The following GHR variants were observed in gnomAD, a reference collection of about 807,000 sequenced individuals.
The protein encoded by GHR is growth hormone receptor.
A neutral mutation model predicts 67.1 loss-of-function variants in GHR; 35 were observed. The ratio of observed to expected loss-of-function variants is 0.52; its 90% CI spans 0.40 to 0.69. The LOEUF (loss-of-function observed/expected upper bound fraction) is 0.69, where lower values mean the gene tolerates loss of function less well. Among genes scored for constraint, GHR ranks in the 30% least tolerant of loss-of-function variants. GHR has a pLI of 0.00. For synonymous variants in GHR, 272 were observed against 269.1 expected (o/e 1.01, Z -0.10); for missense variants, 792 against 764.6 (o/e 1.04, Z -0.42).
At chr5:42,550,132 T>C (rs953353522) in intron 1 of GHR, 18 of 936,818 alleles carry the variant, frequency 1.9e-5, no homozygotes, top group Non-Finnish European at 2.3e-5. Flanking sequence ...TGTGTCTTCT[T>C]GCTACTTGAA....
rs2111861809 is a variant in GHR, at chr5:42,718,123, TA to T, written c.945+4del. ...GGAATCGATCCAGATCTCCTCAAGG[TA>T]ACTAATAATTTTATCTAAATTGTAG... is the stretch of plus-strand genomic sequence containing the variant. On this transcript the variant is annotated splice_donor_region_variant and intron_variant, in intron 9 of 9. Transcript: ENST00000230882. 7.0e-7 allele frequency: 1 copy of T among 1,424,426 alleles called. No individual in the cohort carries two copies. The highest frequency in any genetic ancestry group is 9.9e-7 in the Non-Finnish European group (1 of 1,007,140). 88.2% of individuals were successfully genotyped at this position (1,424,426 alleles called of 1,614,324 possible). A position where few individuals can be genotyped will look rare whatever the true frequency, so the allele number is the denominator to read the frequency against.
intron 3 of GHR, among the ~76,000 whole-genome samples, chr5:42,670,880 A>AAAATAT: frequency 8.5e-6 from 1 of 118,192 alleles, no homozygotes; most frequent in African/African-American, 3.3e-5. Flanking sequence ...AAAAAAAAAA[A>AAAATAT]ATATATATAT....
chr5:42,689,983 T>G (rs780789587), intron 4 of GHR, among the ~76,000 whole-genome samples: 5 of 152,340 alleles, frequency 3.3e-5, no homozygotes, highest in Middle Eastern at 6.8e-3. Context: ...AAGTTGTTTA[T>G]TTCTTCCCCT....
chr5:42,554,663 A>G (rs1226639514), intron 1 of GHR, among the ~76,000 whole-genome samples: 1 of 152,138 alleles, frequency 6.6e-6, no homozygotes, highest in Admixed American at 6.6e-5. Context: ...AGCCACATGT[A>G]GCTATTAAAC....
chr5:42,479,072 T>G (rs529904823), intron 1 of GHR, among the ~76,000 whole-genome samples: 2 of 152,344 alleles, frequency 1.3e-5, no homozygotes, highest in Non-Finnish European at 2.9e-5. Flanking sequence ...ATTACCTAAT[T>G]TACTGAGAGT....
intron 3 of GHR, among the ~76,000 whole-genome samples, chr5:42,688,372 G>A (rs1032174944): frequency 6.6e-6 from 1 of 152,212 alleles, no homozygotes; most frequent in Non-Finnish European, 1.5e-5. Context: ...CAACCAGTGA[G>A]TACTGGGAGC....
intron 1 of GHR, among the ~76,000 whole-genome samples, chr5:42,464,546 C>A (rs1439757513): frequency 1.3e-5 from 2 of 151,988 alleles, no homozygotes; most frequent in African/African-American, 4.8e-5. Context: ...AAGAAACAGG[C>A]AAGTGTGGAG....
chr5:42,628,351 C>T (rs1038704816), intron 2 of GHR, among the ~76,000 whole-genome samples: 4 of 146,012 alleles, frequency 2.7e-5, no homozygotes, highest in Admixed American at 2.7e-4. Flanking sequence ...CCTCTTCTAC[C>T]CAGTGTTTCC....
rs529091576 is a variant in GHR, at chr5:42,516,133, G to A, written c.-11-49731G>A. 4.6e-5 allele frequency among the ~76,000 whole-genome samples: 7 copies of A among 152,218 alleles called. No individual in the cohort carries two copies. The East Asian group carries it at 7.7e-4, about 17-fold the overall frequency. On this transcript the variant is annotated intron_variant, in intron 1 of 9. Coordinates refer to ENST00000230882, the MANE Select transcript of GHR (RefSeq NM_000163.5). Reference sequence around the variant, plus strand: ...GCATTTGCTCCTGACTTTTCTCAGTGTACTTCCACATGGAAGAGACAAAAG... The same window carrying A: ...GCATTTGCTCCTGACTTTTCTCAGTATACTTCCACATGGAAGAGACAAAAG...
At chr5:42,557,004 G>A (rs1036793632) in intron 1 of GHR, among the ~76,000 whole-genome samples, 8 of 152,170 alleles carry the variant, frequency 5.3e-5, no homozygotes, top group South Asian at 2.1e-4. Flanking sequence ...CAAGCCAAGC[G>A]TCTTGTCACT....
At chr5:42,534,561 T>C (rs1337632706) in intron 1 of GHR, among the ~76,000 whole-genome samples, 3 of 151,790 alleles carry the variant, frequency 2.0e-5, no homozygotes. Flanking sequence ...TATCCACTCG[T>C]TGATTGATGA....
At chr5:42,563,869 C>T (rs1469071330) in intron 1 of GHR, among the ~76,000 whole-genome samples, 1 of 151,942 alleles carries the variant, frequency 6.6e-6, no homozygotes, top group Non-Finnish European at 1.5e-5. Context: ...CATTTTTAGC[C>T]TATAACTTTT....
chr5:42,700,534 G>T (rs1370177936), intron 6 of GHR, among the ~76,000 whole-genome samples: 2 of 152,180 alleles, frequency 1.3e-5, no homozygotes, highest in Non-Finnish European at 2.9e-5. Context: ...CAATTAGAGA[G>T]CATGGTACCA....
At chr5:42,468,191 C>A (rs1369338199) in intron 1 of GHR, 33 of 1,415,996 alleles carry the variant, frequency 2.3e-5, no homozygotes, top group Admixed American at 1.2e-4. Flanking sequence ...GGGGCCCAGA[C>A]TTTGATGTTC....
At chr5:42,539,595 A>T (rs140897060) in intron 1 of GHR, among the ~76,000 whole-genome samples, 218 of 152,262 alleles carry the variant, frequency 1.4e-3, no homozygotes, top group African/African-American at 4.8e-3. Context: ...GGAGCAGTCC[A>T]CTTCCTTCTG....
At chr5:42,574,627 C>T (rs781283539) in intron 2 of GHR, among the ~76,000 whole-genome samples, 2 of 152,130 alleles carry the variant, frequency 1.3e-5, no homozygotes, top group Non-Finnish European at 2.9e-5. Flanking sequence ...GCTATTTTGT[C>T]TTACTTCTAT....
At chr5:42,602,939 A>G (rs1047502614) in intron 2 of GHR, among the ~76,000 whole-genome samples, 1 of 152,152 alleles carries the variant, frequency 6.6e-6, no homozygotes. Flanking sequence ...GTAATACAGT[A>G]TTCTGTATTA....
chr5:42,540,183 T>TTCTCTCTCTCTC (rs57962722), intron 1 of GHR, among the ~76,000 whole-genome samples: 31 of 144,500 alleles, frequency 2.1e-4, no homozygotes, highest in South Asian at 7.0e-4. Flanking sequence ...TGTTACTGTA[T>TTCTCTCTCTCTC]TCTCTCTCTC....
chr5:42,689,446 G>A (rs1300689827), intron 4 of GHR, among the ~76,000 whole-genome samples: 1 of 152,210 alleles, frequency 6.6e-6, no homozygotes, highest in Admixed American at 6.5e-5. Context: ...ACGTGGGCAT[G>A]TGCATGTGGA....
Sources: allele counts gnomAD v4.1 joint callset (sites outside exome capture counted in the v4.1 genomes callset), GRCh38; gene constraint gnomAD v4.1.1; transcripts MANE v1.5; gene names NCBI Gene and HGNC (gene_info 2026-07-23, HGNC 2026-07-21).